The following NONO variants were observed in gnomAD, a reference collection of about 807,000 sequenced individuals.
NONO encodes non-POU domain-containing octamer-binding protein.
Under a neutral mutation model 40.2 loss-of-function variants are expected in NONO, and 6 were observed. That is an observed-to-expected ratio of 0.15 (90% CI 0.08 to 0.29). The LOEUF is 0.29. Ranked by LOEUF, NONO falls within the 10% of genes least tolerant of loss-of-function variation. The probability of loss-of-function intolerance (pLI) is 1.00; values close to 1 mark genes in which losing one functional copy is unlikely to be tolerated. For missense variants in NONO, 133 were observed against 397.8 expected, an observed-to-expected ratio of 0.33 and a Z score of 5.66; for synonymous variants, 89 against 123.3, an observed-to-expected ratio of 0.72 and a Z score of 1.85.
chrX:71,293,352 G>A (rs1329824878), intron 4 of NONO, among the ~76,000 whole-genome samples: 1 of 111,314 alleles, frequency 9.0e-6, no homozygotes, highest in African/African-American at 3.3e-5. Flanking sequence ...GGAGGCCAAG[G>A]TGGGCGGATC....
At chrX:71,290,238 G>T (rs1003849534) in intron 2 of NONO, among the ~76,000 whole-genome samples, 2 of 110,579 alleles carry the variant, frequency 1.8e-5, no homozygotes, top group Admixed American at 1.9e-4. Flanking sequence ...TGGTAGAGGT[G>T]AGGTTTCACC....
In NONO at chrX:71,297,530, C is replaced by T. The variant is rs900457981; in HGVS notation, c.1028+69C>T. 2.6e-5 allele frequency: 20 copies of T among 755,099 alleles called. No homozygotes were observed. The African/African-American group carries it at 4.0e-4, about 15-fold the overall frequency. 62.2% of individuals were successfully genotyped at this position (755,099 alleles called of 1,213,427 possible). A position where few individuals can be genotyped will look rare whatever the true frequency, so the allele number is the denominator to read the frequency against. ...AATGTCTCACTCCTCTTTCCTACTG[C>T]CATGCTACCTCGTGTATTTATAAAT... On this transcript the variant is annotated intron_variant, in intron 8 of 11. Coordinates refer to ENST00000276079, the MANE Select transcript of NONO (RefSeq NM_007363.5).
intron 2 of NONO, among the ~76,000 whole-genome samples, chrX:71,288,550 C>A (rs2031253374): frequency 8.9e-6 from 1 of 112,130 alleles, no homozygotes; most frequent in South Asian, 3.7e-4. Context: ...TGCCACCACA[C>A]CCCGCTAATT....
At chrX:71,293,036 A>G (rs1167281973) in intron 4 of NONO, 1 of 112,670 alleles carries the variant, frequency 8.9e-6, no homozygotes, top group Non-Finnish European at 1.9e-5. Context: ...ATTATTTTAA[A>G]ATCTGGTTCG....
At chrX:71,299,445 A>G (rs1251095219) in intron 11 of NONO, among the ~76,000 whole-genome samples, 1 of 112,222 alleles carries the variant, frequency 8.9e-6, no homozygotes, top group East Asian at 2.8e-4. Context: ...CTGACTGGCC[A>G]GTCTGATTGA....
intron 6 of NONO, 51 bp downstream of exon 6, chrX:71,296,711 C>A: frequency 1.9e-6 from 2 of 1,028,532 alleles, no homozygotes; most frequent in Middle Eastern, 2.6e-4. Flanking sequence ...CTTAAGAAAG[C>A]TTATAAAGGG....
chrX:71,288,008 ATT>A (rs1198660933), intron 2 of NONO, among the ~76,000 whole-genome samples: 2,377 of 71,898 alleles, frequency 0.033, 79 homozygotes, highest in African/African-American at 0.12. Flanking sequence ...TGCTGGCTTC[ATT>A]TTTTTTTTTT....
At chrX:71,299,034 G>A (rs1231251315) in intron 11 of NONO, among the ~76,000 whole-genome samples, 2 of 111,505 alleles carry the variant, frequency 1.8e-5, no homozygotes, top group African/African-American at 6.5e-5. Context: ...CGAGTCTCCT[G>A]CCTCAGCCTC....
At position 71,294,083 on chromosome X, in the gene NONO, C is replaced by T. The variant is rs2031384604; in HGVS notation, c.349-144C>T. ...AGGGTGGCCAAAGAGCTGAAGCACA[C>T]AGTTAAGTTCTTTCACTTCTGTTTC... is the stretch of plus-strand genomic sequence containing the variant. On this transcript the variant is annotated intron_variant, in intron 4 of 11. Transcript: ENST00000276079. 10 of 593,579 alleles carry T rather than the reference C, an allele frequency of 1.7e-5. No homozygotes were observed. The South Asian group carries it at 2.8e-4, about 17-fold the overall frequency. 48.9% of individuals were successfully genotyped at this position (593,579 alleles called of 1,213,427 possible). A position where few individuals can be genotyped will look rare whatever the true frequency, so the allele number is the denominator to read the frequency against.
chrX:71,296,501 T>C, intron 5 of NONO, 64 bp from the exon 6 acceptor site: 1 of 727,402 alleles, frequency 1.4e-6, no homozygotes, highest in African/African-American at 2.1e-5. Context: ...GCCAGTGACA[T>C]GTGTAGAGAA....
chrX:71,290,139 T>A (rs2031291085), intron 2 of NONO, among the ~76,000 whole-genome samples: 1 of 110,899 alleles, frequency 9.0e-6, no homozygotes, highest in African/African-American at 3.3e-5. Flanking sequence ...CTTGAACTCC[T>A]GGGCTCAAGT....
At chrX:71,297,139 C>G in intron 7 of NONO, 92 bp downstream of exon 7, 9 of 835,032 alleles carry the variant, frequency 1.1e-5, no homozygotes, top group Non-Finnish European at 1.5e-5. Flanking sequence ...GGGCCTACAT[C>G]TCTGCTTTTA....
At chrX:71,290,588 T>C (rs2031302647) in intron 2 of NONO, 41 bp from the exon 3 acceptor site, 2 of 1,094,636 alleles carry the variant, frequency 1.8e-6, no homozygotes, top group Non-Finnish European at 2.5e-6. Flanking sequence ...GATTGTGTTA[T>C]TAGTACTGAA....
intron 9 of NONO, 110 bp downstream of exon 9, chrX:71,298,048 C>A: frequency 2.0e-6 from 1 of 511,705 alleles, no homozygotes; most frequent in Non-Finnish European, 3.3e-6. Context: ...TGAAATAACC[C>A]TTTAGAAAAA....
intron 9 of NONO, 84 bp downstream of exon 9, chrX:71,298,022 C>T (rs2031491117): frequency 4.9e-6 from 3 of 613,373 alleles, no homozygotes; most frequent in Non-Finnish European, 7.8e-6. Flanking sequence ...CGGTTATGAC[C>T]AATTTTCCCG....
chrX:71,297,264 C>T, intron 7 of NONO, 113 bp from the exon 8 acceptor site: 1 of 775,156 alleles, frequency 1.3e-6, no homozygotes, highest in East Asian at 3.5e-5. Context: ...CTGGACACCA[C>T]AGGTGGTTCC....
In NONO at chrX:71,297,105, G is replaced by T. The variant is rs755669713; in HGVS notation, c.943+58G>T. ...AGGACAAAATGACATTTTTAAATGG[G>T]TTTCTTTGTATCAATTAACAGAAGG... is the stretch of plus-strand genomic sequence containing the variant. On this transcript the variant is annotated intron_variant, in intron 7 of 11. Coordinates refer to ENST00000276079, the MANE Select transcript of NONO (RefSeq NM_007363.5). The T allele has an allele frequency of 6.6e-4, 658 of 1,000,586 alleles. 2 individuals carry two copies. The highest frequency in any genetic ancestry group is 7.9e-4 in the Non-Finnish European group (585 of 745,061). 82.5% of individuals were successfully genotyped at this position (1,000,586 alleles called of 1,213,427 possible).
At chrX:71,287,859 C>G (rs987383829) in intron 2 of NONO, among the ~76,000 whole-genome samples, 11 of 101,251 alleles carry the variant, frequency 1.1e-4, no homozygotes, top group South Asian at 4.4e-4. Context: ...TCCCCTCCCC[C>G]CTACCCTTTT....
At chrX:71,296,795 A>ATTCTTAGC in intron 6 of NONO, 56 bp from the exon 7 acceptor site, 1 of 1,137,519 alleles carries the variant, frequency 8.8e-7, no homozygotes, top group South Asian at 2.0e-5. Context: ...AAGGAATGCA[A>ATTCTTAGC]TTCTTAGCTG....
Sources: allele counts gnomAD v4.1 joint callset (sites outside exome capture counted in the v4.1 genomes callset), GRCh38; gene constraint gnomAD v4.1.1; transcripts MANE v1.5; gene names NCBI Gene and HGNC (gene_info 2026-07-23, HGNC 2026-07-21).